SLC4A7: variants seen among roughly 807,000 people sequenced by gnomAD.
The protein encoded by SLC4A7 is sodium bicarbonate cotransporter 3.
Under a neutral mutation model 137.6 loss-of-function variants are expected in SLC4A7, and 51 were observed. The observed-to-expected ratio is 0.37, with a 90% confidence interval of 0.30 to 0.47. The LOEUF (loss-of-function observed/expected upper bound fraction) is 0.47, where lower values mean the gene tolerates loss of function less well. Ranked by LOEUF, SLC4A7 falls within the 20% of genes least tolerant of loss-of-function variation. The probability of loss-of-function intolerance (pLI) is 1.00; values close to 1 mark genes in which losing one functional copy is unlikely to be tolerated. For synonymous variants in SLC4A7, 542 were observed against 518.6 expected (o/e 1.05, Z -0.61); for missense variants, 1,247 against 1,525.4 (o/e 0.82, Z 3.04).
intron 1 of SLC4A7, among the ~76,000 whole-genome samples, chr3:27,460,263 G>A (rs1164778513): frequency 2.6e-5 from 4 of 151,794 alleles, no homozygotes; most frequent in Admixed American, 2.6e-4. Flanking sequence ...CAAACTTCTG[G>A]CCCCAAAAGA....
At chr3:27,390,151 G>A in intron 21 of SLC4A7, 47 bp from the exon 22 acceptor site, 2 of 1,158,102 alleles carry the variant, frequency 1.7e-6, no homozygotes, top group Non-Finnish European at 2.5e-6. Flanking sequence ...AAATATTTCT[G>A]CTATTTAGGA....
At chr3:27,446,673 T>C (rs1576518874) in intron 3 of SLC4A7, among the ~76,000 whole-genome samples, 2 of 152,256 alleles carry the variant, frequency 1.3e-5, no homozygotes, top group African/African-American at 4.8e-5. Flanking sequence ...TATCCTAAAC[T>C]GAATGGCTGT....
chr3:27,466,109 T>C (rs2058981505), intron 1 of SLC4A7, among the ~76,000 whole-genome samples: 1 of 152,128 alleles, frequency 6.6e-6, no homozygotes, highest in South Asian at 2.1e-4. Flanking sequence ...ATGTAAATGA[T>C]ACTGCTGACA....
chr3:27,472,564 T>G (rs1402255881), intron 1 of SLC4A7, among the ~76,000 whole-genome samples: 1 of 152,220 alleles, frequency 6.6e-6, no homozygotes, highest in Non-Finnish European at 1.5e-5. Flanking sequence ...AATTTGCATT[T>G]TTCAGCTGTG....
chr3:27,397,290 A>T, intron 18 of SLC4A7, among the ~76,000 whole-genome samples: 1 of 152,188 alleles, frequency 6.6e-6, no homozygotes, highest in East Asian at 1.9e-4. Context: ...TGCTGGGATT[A>T]CAGGCACAAG....
At chr3:27,430,148 G>A (rs924869119) in intron 7 of SLC4A7, among the ~76,000 whole-genome samples, 8 of 151,860 alleles carry the variant, frequency 5.3e-5, no homozygotes, top group Admixed American at 2.0e-4. Flanking sequence ...GTTCAAGGCT[G>A]CAGTGAGCTA....
intron 18 of SLC4A7, 43 bp downstream of exon 18, chr3:27,397,641 T>C (rs371571205): frequency 1.1e-6 from 1 of 895,052 alleles, no homozygotes. Context: ...TAAAGTAGTG[T>C]GGTATTCCCA....
At chr3:27,381,531 C>T (rs6787066) in intron 24 of SLC4A7, among the ~76,000 whole-genome samples, 135,848 of 150,434 alleles carry the variant, frequency 0.9, 61,192 homozygotes, top group East Asian at 1. Flanking sequence ...TTGAGGGAAA[C>T]ATTAATACAG....
At chr3:27,445,170 G>T (rs2057492196) in intron 3 of SLC4A7, among the ~76,000 whole-genome samples, 1 of 152,190 alleles carries the variant, frequency 6.6e-6, no homozygotes, top group Non-Finnish European at 1.5e-5. Context: ...TTTTCTGGTA[G>T]TTTTTCCCGG....
rs755751161 is a variant in SLC4A7 at position 27,398,341 on chromosome 3, G to A, written c.2440C>T (p.Leu814Phe). The change falls in exon 17 of 26, where the codon CTT (leucine) becomes TTT (phenylalanine). Residue 814 changes from leucine to phenylalanine, a missense_variant. By Grantham distance (22) the Leu-to-Phe change is conservative (BLOSUM62 0). Coordinates refer to ENST00000454389, the MANE Select transcript of SLC4A7 (RefSeq NM_001321103.2). ...GCTGACCCCAAGAATACACCACGAA[G>A]TTTTTTACATTCCTGGAAAAAAGGA... ...RNLTVSECKK[L>F]RGVFLGSACG... The A allele has an allele frequency of 2.5e-6, 4 of 1,592,326 alleles. No individual in the cohort carries two copies. The highest frequency in any genetic ancestry group is 1.7e-6 in the Non-Finnish European group (2 of 1,172,186).
At chr3:27,419,607 A>C (rs2054744208) in intron 10 of SLC4A7, among the ~76,000 whole-genome samples, 1 of 149,464 alleles carries the variant, frequency 6.7e-6, no homozygotes, top group South Asian at 2.2e-4. Flanking sequence ...AAGTGCTGGG[A>C]TTACAGGAGT....
chr3:27,451,737 T>C (rs1446554849), intron 2 of SLC4A7, among the ~76,000 whole-genome samples: 1 of 152,092 alleles, frequency 6.6e-6, no homozygotes, highest in Non-Finnish European at 1.5e-5. Flanking sequence ...AAATCTGTGG[T>C]TTAACAGTAA....
chr3:27,456,770 GGT>G, intron 1 of SLC4A7: 4 of 1,570,146 alleles, frequency 2.5e-6, no homozygotes, highest in Non-Finnish European at 2.6e-6. Flanking sequence ...ATCTGATTTA[GGT>G]CACTGTGCTT....
chr3:27,390,180 T>A, intron 21 of SLC4A7, 76 bp from the exon 22 acceptor site: 1 of 858,200 alleles, frequency 1.2e-6, no homozygotes. Flanking sequence ...TATACTCAAC[T>A]TTAGGATTTT....
intron 23 of SLC4A7, among the ~76,000 whole-genome samples, chr3:27,385,534 G>C (rs1395040591): frequency 6.6e-6 from 1 of 152,038 alleles, no homozygotes; most frequent in Non-Finnish European, 1.5e-5. Flanking sequence ...AATATACTCT[G>C]AGGTATAACT....
chr3:27,432,084 T>G (rs2056357161), intron 6 of SLC4A7, among the ~76,000 whole-genome samples: 1 of 152,204 alleles, frequency 6.6e-6, no homozygotes, highest in South Asian at 2.1e-4. Context: ...TAGCGTATTT[T>G]TCCTACATTT....
chr3:27,454,745 G>C (rs2058299481), intron 1 of SLC4A7, among the ~76,000 whole-genome samples: 1 of 152,144 alleles, frequency 6.6e-6, no homozygotes, highest in Non-Finnish European at 1.5e-5. Context: ...TATCCTGAGA[G>C]GTAGCATACT....
chr3:27,411,860 T>C, intron 11 of SLC4A7, 112 bp from the exon 12 acceptor site: 1 of 435,626 alleles, frequency 2.3e-6, no homozygotes, highest in Non-Finnish European at 4.0e-6. Flanking sequence ...TCTAATCAGT[T>C]CTCCTAGAAA....
intron 5 of SLC4A7, among the ~76,000 whole-genome samples, chr3:27,435,996 C>T (rs1010697031): frequency 3.3e-4 from 51 of 152,302 alleles, no homozygotes; most frequent in Non-Finnish European, 3.8e-4. Context: ...CTTCTCTAGA[C>T]TTTTCTTTAC....
Sources: gnomAD v4.1 joint callset for allele counts (sites outside exome capture counted in the v4.1 genomes callset) on GRCh38, gnomAD v4.1.1 for gene constraint, MANE v1.5 for transcripts, NCBI Gene and HGNC (gene_info 2026-07-23, HGNC 2026-07-21) for gene names.